The following TMEM238L variants were observed in gnomAD, a reference collection of about 807,000 sequenced individuals.
TMEM238L encodes transmembrane protein 238 like, also known as transmembrane protein 238-like.
At chr17:10,802,060 G>A (rs1193476239) in intron 1 of TMEM238L, among the ~76,000 whole-genome samples, 2 of 152,206 alleles carry the variant, frequency 1.3e-5, no homozygotes, top group East Asian at 3.8e-4. Context: ...TGGGATTACA[G>A]GCATGAGTCA....
In TMEM238L at chr17:10,802,740, C is replaced by T. The variant is rs371561871; in HGVS notation, c.*118+866G>A. On this transcript the variant is annotated intron_variant, in intron 1 of 1. Transcript: ENST00000581851. ...AGGAGGGTATGGCTGCCCAATGGAC[C>T]GTGGCTCTGACTTCAGTCCCCTGGA... Among the ~76,000 whole-genome samples the T allele has an allele frequency of 2.3e-4, 35 of 152,258 alleles. No individual in the cohort carries two copies. In the East Asian group the frequency reaches 4.2e-3, roughly 18 times the overall value.
intron 1 of TMEM238L, among the ~76,000 whole-genome samples, chr17:10,800,070 T>C (rs897311969): frequency 4.6e-5 from 7 of 152,078 alleles, no homozygotes; most frequent in African/African-American, 1.7e-4. Flanking sequence ...TAGCTGGGAC[T>C]ACAGGCACCC....
chr17:10,797,382 TC>T (rs1357804983), intron 1 of TMEM238L, among the ~76,000 whole-genome samples: 2 of 53,442 alleles, frequency 3.7e-5, no homozygotes, highest in Non-Finnish European at 6.5e-5. Context: ...CCTCCCTCCT[TC>T]CCTCCCTCCC....
exon 1 of TMEM238L, chr17:10,803,704 C>T (rs1904815136): frequency 5.0e-6 from 2 of 399,180 alleles, no homozygotes; most frequent in Non-Finnish European, 8.8e-6. Context: ...TGCGTCTCTT[C>T]TCCTCTTCCC....
At chr17:10,798,516 GA>G (rs1215465428) in intron 1 of TMEM238L, among the ~76,000 whole-genome samples, 1 of 152,166 alleles carries the variant, frequency 6.6e-6, no homozygotes, top group Non-Finnish European at 1.5e-5. Flanking sequence ...CTGCCTGTTG[GA>G]AAAAGTCGAA....
At chr17:10,803,611 C>T in exon 1 of TMEM238L, 1 of 397,386 alleles carries the variant, frequency 2.5e-6, no homozygotes, top group East Asian at 3.6e-5. Flanking sequence ...CTCACCTGGT[C>T]CCGGCGTGGC....
intron 1 of TMEM238L, among the ~76,000 whole-genome samples, chr17:10,803,373 C>G (rs1274577982): frequency 6.6e-6 from 1 of 152,264 alleles, no homozygotes; most frequent in African/African-American, 2.4e-5. Context: ...GTGGAAGGGG[C>G]TGTTGAGACT....
intron 1 of TMEM238L, among the ~76,000 whole-genome samples, chr17:10,801,884 C>A (rs1163914822): frequency 6.6e-6 from 1 of 152,034 alleles, no homozygotes; most frequent in East Asian, 1.9e-4. Context: ...TGGGCTCCAG[C>A]AATCCTTCTG....
At chr17:10,797,200 T>C (rs1250174296) in intron 1 of TMEM238L, among the ~76,000 whole-genome samples, 1 of 149,392 alleles carries the variant, frequency 6.7e-6, no homozygotes, top group Non-Finnish European at 1.5e-5. Flanking sequence ...CCATACACCT[T>C]ATTATCGTTA....
chr17:10,803,512 C>A (rs78904135), intron 1 of TMEM238L, 94 bp downstream of exon 1: 9,219 of 376,492 alleles, frequency 0.024, 185 homozygotes, highest in Non-Finnish European at 0.036. Context: ...CAGTGTCTGG[C>A]TATTTGCTTA....
exon 2 of TMEM238L, chr17:10,795,596 G>C (rs1904516044): frequency 6.6e-6 from 1 of 152,220 alleles, no homozygotes; most frequent in Non-Finnish European, 1.5e-5. Context: ...GCTTGTGGTT[G>C]GTTCTAATTG....
At chr17:10,796,009 G>A (rs1368685014) in intron 1 of TMEM238L, 61 bp from the exon 2 acceptor site, 4 of 152,210 alleles carry the variant, frequency 2.6e-5, no homozygotes, top group Non-Finnish European at 4.4e-5. Context: ...TCAATTTCAA[G>A]CCTGTGTGTG....
At chr17:10,797,395 C>T (rs1235542796) in intron 1 of TMEM238L, among the ~76,000 whole-genome samples, 3 of 70,218 alleles carry the variant, frequency 4.3e-5, no homozygotes, top group African/African-American at 1.6e-4. Context: ...CTCCCTCCCT[C>T]CCTCCCTCCC....
chr17:10,801,481 T>G (rs1175009916), intron 1 of TMEM238L, among the ~76,000 whole-genome samples: 1 of 152,212 alleles, frequency 6.6e-6, no homozygotes, highest in Non-Finnish European at 1.5e-5. Context: ...CCCTGTCGTC[T>G]TTTATTTCCT....
At chr17:10,797,084 C>T (rs1725260944) in intron 1 of TMEM238L, among the ~76,000 whole-genome samples, 1 of 152,150 alleles carries the variant, frequency 6.6e-6, no homozygotes, top group Admixed American at 6.5e-5. Context: ...GTTGCCTACC[C>T]CTGGTCTTAT....
intron 1 of TMEM238L, among the ~76,000 whole-genome samples, chr17:10,800,001 G>C (rs113457937): frequency 1.3e-5 from 2 of 151,040 alleles, no homozygotes; most frequent in South Asian, 2.1e-4. Flanking sequence ...GCGTGATCTC[G>C]GCTCACTGCA....
intron 1 of TMEM238L, among the ~76,000 whole-genome samples, chr17:10,797,395 CCCTCCCTCCCTT>C (rs1258980271): frequency 2.8e-5 from 2 of 70,218 alleles, no homozygotes; most frequent in East Asian, 4.8e-4. Flanking sequence ...CTCCCTCCCT[CCCTCCCTCCCTT>C]CCTTCCTTCC....
intron 1 of TMEM238L, among the ~76,000 whole-genome samples, chr17:10,799,342 C>T (rs980301529): frequency 7.2e-5 from 11 of 152,208 alleles, no homozygotes; most frequent in Non-Finnish European, 1.6e-4. Context: ...GGGTTACAGG[C>T]ACATGCCACA....
At chr17:10,799,997 T>C (rs1338795720) in intron 1 of TMEM238L, among the ~76,000 whole-genome samples, 2 of 151,666 alleles carry the variant, frequency 1.3e-5, no homozygotes, top group Non-Finnish European at 2.9e-5. Flanking sequence ...AGTGGCGTGA[T>C]CTCGGCTCAC....
Sources: gnomAD v4.1 joint callset for allele counts (sites outside exome capture counted in the v4.1 genomes callset) on GRCh38, gnomAD v4.1.1 for gene constraint, MANE v1.5 for transcripts, NCBI Gene and HGNC (gene_info 2026-07-23, HGNC 2026-07-21) for gene names.